The following TCEA3 variants were observed in gnomAD, a reference collection of about 807,000 sequenced individuals.
TCEA3 encodes transcription elongation factor A protein 3.
A neutral mutation model predicts 44.0 loss-of-function variants in TCEA3; 36 were observed. That is an observed-to-expected ratio of 0.82 (90% CI 0.63 to 1.08). The LOEUF (loss-of-function observed/expected upper bound fraction) is 1.08, where lower values mean the gene tolerates loss of function less well. Among genes scored for constraint, TCEA3 ranks in the 50% least tolerant of loss-of-function variants. TCEA3 has a pLI of 0.00. For synonymous variants in TCEA3, 162 were observed against 159.7 expected, an observed-to-expected ratio of 1.01 and a Z score of -0.11; for missense variants, 392 against 441.2, an observed-to-expected ratio of 0.89 and a Z score of 1.00.
At chr1:23,387,179 C>G in intron 9 of TCEA3, 94 bp downstream of exon 9, 1 of 1,481,948 alleles carries the variant, frequency 6.7e-7, no homozygotes, top group South Asian at 1.3e-5. Context: ...AACGCTTTCT[C>G]CCCTCTGGCT....
intron 8 of TCEA3, among the ~76,000 whole-genome samples, chr1:23,392,075 T>A (rs975579773): frequency 1.3e-5 from 2 of 152,108 alleles, no homozygotes; most frequent in African/African-American, 4.8e-5. Flanking sequence ...ATGTTGCTAT[T>A]TACCCAAAAA....
At chr1:23,404,249 G>C in intron 5 of TCEA3, 1 of 695,094 alleles carries the variant, frequency 1.4e-6, no homozygotes, top group Non-Finnish European at 2.6e-6. Flanking sequence ...ATCCTCCGTG[G>C]TCTGCTTCCT....
intron 5 of TCEA3, among the ~76,000 whole-genome samples, chr1:23,402,126 G>T (rs1247063845): frequency 6.6e-6 from 1 of 152,112 alleles, no homozygotes; most frequent in Non-Finnish European, 1.5e-5. Context: ...GGATCACTTT[G>T]GTCAGGAGTT....
At chr1:23,390,153 G>A (rs1570233353) in intron 8 of TCEA3, among the ~76,000 whole-genome samples, 1 of 152,134 alleles carries the variant, frequency 6.6e-6, no homozygotes. Flanking sequence ...TCCTGGGGTG[G>A]GTGGTGGCAC....
intron 9 of TCEA3, among the ~76,000 whole-genome samples, chr1:23,386,507 G>A (rs538483512): frequency 6.6e-6 from 1 of 151,882 alleles, no homozygotes; most frequent in Non-Finnish European, 1.5e-5. Flanking sequence ...CAAAGTGCTG[G>A]GATTACAGGC....
At chr1:23,385,365 TG>T (rs998999735) in intron 9 of TCEA3, among the ~76,000 whole-genome samples, 6 of 152,168 alleles carry the variant, frequency 3.9e-5, no homozygotes, top group Non-Finnish European at 5.9e-5. Flanking sequence ...GCCTGGTCAC[TG>T]GAAAGCAGTG....
At chr1:23,395,280 C>G (rs1639182290) in intron 7 of TCEA3, among the ~76,000 whole-genome samples, 1 of 152,244 alleles carries the variant, frequency 6.6e-6, no homozygotes, top group Non-Finnish European at 1.5e-5. Flanking sequence ...GATACTTTCA[C>G]CAGCCTCTTT....
chr1:23,412,673 A>C (rs1570280569), intron 4 of TCEA3, among the ~76,000 whole-genome samples: 1 of 151,726 alleles, frequency 6.6e-6, no homozygotes, highest in Non-Finnish European at 1.5e-5. Context: ...GTGCCATTGC[A>C]CTCCAGCCTG....
chr1:23,400,939 C>T (rs1639379933), intron 5 of TCEA3, among the ~76,000 whole-genome samples: 1 of 152,192 alleles, frequency 6.6e-6, no homozygotes, highest in Non-Finnish European at 1.5e-5. Flanking sequence ...AGGCTGTGGA[C>T]ATGCTACTTC....
chr1:23,387,549 C>T, intron 8 of TCEA3, 130 bp from the exon 9 acceptor site: 1 of 1,164,110 alleles, frequency 8.6e-7, no homozygotes. Flanking sequence ...TGGAAGGAGG[C>T]CTGGATTCCG....
rs182746420 is a variant in TCEA3, at chr1:23,382,933, A to G, written c.1038+1413T>C. 5.4e-4 allele frequency among the ~76,000 whole-genome samples: 82 copies of G among 152,382 alleles called. No homozygotes were observed. The East Asian group carries it at 7.1e-3, about 13-fold the overall frequency. ...AATCATCTGGTTTTTACCTTAAAAA[A>G]TATGGCAGTTCTAATGAGGCCCCAG... On this transcript the variant is annotated intron_variant, in intron 10 of 10. Coordinates refer to ENST00000450454, the MANE Select transcript of TCEA3 (RefSeq NM_003196.3).
intron 1 of TCEA3, chr1:23,423,902 A>T: frequency 2.2e-6 from 1 of 454,778 alleles, no homozygotes; most frequent in Non-Finnish European, 4.4e-6. Context: ...CCCTCGCTGC[A>T]CAGGCCTCCA....
In TCEA3 at chr1:23,412,872, G is replaced by A. The variant is rs201181515; in HGVS notation, c.381-4146C>T. The stretch of plus-strand genomic sequence containing the variant: ...TCTAAGTTTCACTAATGTGGTTACA[G>A]TGTTTGTATAATGAATTATCATTAA... On this transcript the variant is annotated intron_variant, in intron 4 of 10. Transcript: ENST00000450454. 6.6e-5 allele frequency among the ~76,000 whole-genome samples: 10 copies of A among 152,320 alleles called. No individual in the cohort carries two copies. The East Asian group carries it at 1.9e-3, about 29-fold the overall frequency.
At chr1:23,421,023 G>C (rs567296287) in intron 1 of TCEA3, among the ~76,000 whole-genome samples, 1 of 152,330 alleles carries the variant, frequency 6.6e-6, no homozygotes, top group Non-Finnish European at 1.5e-5. Context: ...CATGTCCTAA[G>C]AGCTGCCCTC....
At chr1:23,405,594 CAA>C (rs66497548) in intron 5 of TCEA3, among the ~76,000 whole-genome samples, 12,425 of 146,146 alleles carry the variant, frequency 0.085, 619 homozygotes, top group Non-Finnish European at 0.12. Flanking sequence ...GACTTCATCT[CAA>C]AAAAAAAAAA....
intron 7 of TCEA3, among the ~76,000 whole-genome samples, chr1:23,396,299 C>A (rs1412312693): frequency 6.6e-6 from 1 of 152,166 alleles, no homozygotes; most frequent in African/African-American, 2.4e-5. Context: ...GACTTCCTGT[C>A]CCCTGACTGT....
chr1:23,412,399 C>T (rs1387293061), intron 4 of TCEA3, among the ~76,000 whole-genome samples: 2 of 55,632 alleles, frequency 3.6e-5, no homozygotes, highest in Non-Finnish European at 7.5e-5. Context: ...GACTCTGTCT[C>T]AAAAAAAAAA....
At chr1:23,395,930 G>T (rs896285041) in intron 7 of TCEA3, among the ~76,000 whole-genome samples, 2 of 152,146 alleles carry the variant, frequency 1.3e-5, no homozygotes, top group African/African-American at 4.8e-5. Flanking sequence ...CTTAAAGGTG[G>T]AAAGGACCTG....
At chr1:23,394,477 G>T (rs937603058) in intron 7 of TCEA3, among the ~76,000 whole-genome samples, 1 of 152,168 alleles carries the variant, frequency 6.6e-6, no homozygotes, top group Non-Finnish European at 1.5e-5. Flanking sequence ...ACAAGGATGC[G>T]GATAACTTCT....
Sources: gnomAD v4.1 joint callset for allele counts (sites outside exome capture counted in the v4.1 genomes callset) on GRCh38, gnomAD v4.1.1 for gene constraint, MANE v1.5 for transcripts, NCBI Gene and HGNC (gene_info 2026-07-23, HGNC 2026-07-21) for gene names.